PRKAR1A: variants seen among roughly 807,000 people sequenced by gnomAD.
The protein encoded by PRKAR1A is protein kinase cAMP-dependent type I regulatory subunit alpha, also known as cAMP-dependent protein kinase type I-alpha regulatory subunit.
Under a neutral mutation model 52.0 loss-of-function variants are expected in PRKAR1A, and 3 were observed. The ratio of observed to expected loss-of-function variants is 0.06; its 90% CI spans 0.03 to 0.15. The LOEUF is 0.15. PRKAR1A is among the 10% of genes least tolerant of loss of function. The pLI, the probability that PRKAR1A is intolerant of heterozygous loss-of-function variation, is 1.00. For synonymous variants in PRKAR1A, 188 were observed against 168.4 expected, an observed-to-expected ratio of 1.12 and a Z score of -0.90; for missense variants, 240 against 477.4, an observed-to-expected ratio of 0.50 and a Z score of 4.63.
chr17:68,435,106 C>G, the PRKAR1A span, among the ~76,000 whole-genome samples: 1 of 151,720 alleles, frequency 6.6e-6, no homozygotes, highest in Non-Finnish European at 1.5e-5. Flanking sequence ...ACTCGGGAGG[C>G]TGAGGCAGGA....
the PRKAR1A span, chr17:68,426,238 C>CGGGGGG: frequency 1.5e-5 from 9 of 615,156 alleles, no homozygotes; most frequent in South Asian, 3.8e-5. Context: ...CATGACCTGG[C>CGGGGGG]GGGTGGGGAG....
the PRKAR1A span, among the ~76,000 whole-genome samples, chr17:68,454,474 A>G: frequency 6.6e-6 from 1 of 152,304 alleles, no homozygotes; most frequent in East Asian, 1.9e-4. Context: ...GGGCAACTAC[A>G]GTAAACTTTT....
chr17:68,531,894 A>G lies in PRKAR1A; in HGVS notation c.*1445A>G. ...TTCATTGTGATTTATATATAAGGTA[A>G]TGTAGGGTTATATTTGGGAGTGACT... On this transcript the variant is annotated 3_prime_UTR_variant, in exon 11 of 11. Transcript: ENST00000589228. 1 of 1,049,828 alleles carries G rather than the reference A, an allele frequency of 9.5e-7. No individual in the cohort carries two copies. The highest frequency in any genetic ancestry group is 1.2e-6 in the Non-Finnish European group (1 of 864,790). 65.0% of individuals were successfully genotyped at this position (1,049,828 alleles called of 1,614,324 possible).
the PRKAR1A span, among the ~76,000 whole-genome samples, chr17:68,432,123 G>A: frequency 6.6e-6 from 1 of 152,110 alleles, no homozygotes; most frequent in African/African-American, 2.4e-5. Context: ...ATGAGCTTTG[G>A]GTTACACCTG....
At chr17:68,539,369 G>A in intron 11 of PRKAR1A, 1 of 1,614,212 alleles carries the variant, frequency 6.2e-7, no homozygotes, top group Non-Finnish European at 8.5e-7. Flanking sequence ...AGAGGATGGA[G>A]ATTTCATCAT....
chr17:68,541,080 A>C, intron 11 of PRKAR1A: 1 of 1,464,564 alleles, frequency 6.8e-7, no homozygotes, highest in South Asian at 1.3e-5. Context: ...GGCTGGTGGC[A>C]GCTTCTAAAA....
chr17:68,527,340 T>C (rs142894476), intron 7 of PRKAR1A, among the ~76,000 whole-genome samples: 52 of 152,338 alleles, frequency 3.4e-4, no homozygotes, highest in African/African-American at 1.2e-3. Flanking sequence ...GGAATCTGCA[T>C]TTAAATACCA....
chr17:68,463,881 G>A, the PRKAR1A span, among the ~76,000 whole-genome samples: 1 of 152,222 alleles, frequency 6.6e-6, no homozygotes, highest in Non-Finnish European at 1.5e-5. Context: ...AAAAGAAATT[G>A]AAGGTGTCTT....
chr17:68,426,283 G>A, the PRKAR1A span: 1 of 862,084 alleles, frequency 1.2e-6, no homozygotes, highest in African/African-American at 1.7e-5. Flanking sequence ...GAAGCAAAGG[G>A]GCTGTCTGTC....
chr17:68,468,801 A>C, the PRKAR1A span, among the ~76,000 whole-genome samples: 1 of 152,194 alleles, frequency 6.6e-6, no homozygotes, highest in Non-Finnish European at 1.5e-5. Flanking sequence ...ATGAAAGGTC[A>C]GTTCCAGAGA....
chr17:68,471,050 A>G, the PRKAR1A span, among the ~76,000 whole-genome samples: 1 of 151,202 alleles, frequency 6.6e-6, no homozygotes, highest in African/African-American at 2.5e-5. Context: ...AAAAAAACTA[A>G]CTCCTTTTTT....
chr17:68,513,548 C>T (rs1375610940), intron 1 of PRKAR1A, among the ~76,000 whole-genome samples: 2 of 152,178 alleles, frequency 1.3e-5, no homozygotes, highest in African/African-American at 2.4e-5. Context: ...TTTTGTTTTA[C>T]ATAGAGACAA....
intron 1 of PRKAR1A, chr17:68,515,061 G>T: frequency 6.0e-6 from 2 of 335,524 alleles, no homozygotes; most frequent in African/African-American, 2.1e-5. Flanking sequence ...GATTTCTTTT[G>T]AGGGAGAACT....
the PRKAR1A span, chr17:68,433,455 G>A: frequency 3.8e-5 from 61 of 1,611,226 alleles, no homozygotes; most frequent in Non-Finnish European, 4.5e-5. Flanking sequence ...TTGGTGCCCC[G>A]CGGAGTACTT....
chr17:68,472,763 T>A, the PRKAR1A span, among the ~76,000 whole-genome samples: 1 of 149,716 alleles, frequency 6.7e-6, no homozygotes, highest in African/African-American at 2.5e-5. Flanking sequence ...CTGGCCAACA[T>A]AGTGAAATCC....
chr17:68,448,241 A>T, the PRKAR1A span: 1 of 152,170 alleles, frequency 6.6e-6, no homozygotes, highest in Non-Finnish European at 1.5e-5. Context: ...GAGTTGCTTA[A>T]ACCAAAATTT....
the PRKAR1A span, among the ~76,000 whole-genome samples, chr17:68,475,202 AT>A: frequency 1.3e-5 from 2 of 152,220 alleles, no homozygotes; most frequent in East Asian, 1.9e-4. Context: ...AATAAAAAAA[AT>A]CTACCAAAAA....
chr17:68,487,443 G>A, the PRKAR1A span, among the ~76,000 whole-genome samples: 11 of 152,126 alleles, frequency 7.2e-5, no homozygotes, highest in African/African-American at 2.7e-4. Flanking sequence ...TTAAGCCAAC[G>A]TTTCCTGACT....
chr17:68,513,015 C>T (rs1296188341), intron 1 of PRKAR1A: 1 of 152,324 alleles, frequency 6.6e-6, no homozygotes, highest in Non-Finnish European at 1.5e-5. Context: ...CTCGTCATTG[C>T]TAGCAGTAGC....
Sources: gnomAD v4.1 joint callset for allele counts (sites outside exome capture counted in the v4.1 genomes callset) on GRCh38, gnomAD v4.1.1 for gene constraint, MANE v1.5 for transcripts, NCBI Gene and HGNC (gene_info 2026-07-23, HGNC 2026-07-21) for gene names.